Variants in PDE1B observed in about 807,000 individuals in gnomAD.
PDE1B encodes phosphodiesterase 1B, also known as dual specificity calcium/calmodulin-dependent 3',5'-cyclic nucleotide phosphodiesterase 1B.
A neutral mutation model predicts 66.7 loss-of-function variants in PDE1B; 13 were observed. The observed-to-expected ratio is 0.19, with a 90% CI of 0.13 to 0.31. The LOEUF is 0.31. Ranked by LOEUF, PDE1B falls within the 10% of genes least tolerant of loss-of-function variation. The probability of loss-of-function intolerance (pLI) is 1.00; values close to 1 mark genes in which losing one functional copy is unlikely to be tolerated. For missense variants in PDE1B, 485 were observed against 682.3 expected (o/e 0.71, Z 3.22); for synonymous variants, 230 against 253.9 (o/e 0.91, Z 0.90).
Position 54,575,934 on chromosome 12 carries a change from C to A in PDE1B, c.1268-58C>A. ...GTCCTGGCCATGCCAGCTGCATGCT[C>A]TGCCTAGCCCTCCAGATAATAGTAA... is the stretch of plus-strand genomic sequence containing the variant. On this transcript the variant is annotated intron_variant, in intron 12 of 15. Transcript: ENST00000243052. The surrounding 1 kb of genome is among the most constrained non-coding windows in gnomAD (Gnocchi z 4.0). 8.0e-7 allele frequency: 1 copy of A among 1,254,038 alleles called. No homozygotes were observed. The highest frequency in any genetic ancestry group is 1.2e-6 in the Non-Finnish European group (1 of 853,148). 77.7% of individuals were successfully genotyped at this position (1,254,038 alleles called of 1,614,324 possible). A position where few individuals can be genotyped will look rare whatever the true frequency, so the allele number is the denominator to read the frequency against.
chr12:54,554,378 G>T (rs1247270360), intron 2 of PDE1B: 1 of 152,138 alleles, frequency 6.6e-6, no homozygotes, highest in African/African-American at 2.4e-5. Context: ...TCATGCCTTG[G>T]TGGGGACAGT....
chr12:54,554,771 T>G (rs549661762), intron 2 of PDE1B, among the ~76,000 whole-genome samples: 1 of 152,268 alleles, frequency 6.6e-6, no homozygotes, highest in South Asian at 2.1e-4. Flanking sequence ...ATTACAACGG[T>G]GTAATCTTTA....
chr12:54,559,610 C>A (rs1210625406), intron 2 of PDE1B, among the ~76,000 whole-genome samples: 1 of 152,174 alleles, frequency 6.6e-6, no homozygotes, highest in Non-Finnish European at 1.5e-5. Context: ...GCAAAGTATG[C>A]AGCATGCATA....
At chr12:54,555,873 G>A (rs1027365378) in intron 2 of PDE1B, among the ~76,000 whole-genome samples, 7 of 151,900 alleles carry the variant, frequency 4.6e-5, no homozygotes, top group South Asian at 2.1e-4. Context: ...TTACCCTTTC[G>A]CTCTTGCCAT....
At chr12:54,556,024 T>G (rs1263507768) in intron 2 of PDE1B, among the ~76,000 whole-genome samples, 4 of 152,150 alleles carry the variant, frequency 2.6e-5, no homozygotes, top group Non-Finnish European at 5.9e-5. Flanking sequence ...CAGCCCCGAC[T>G]CCTGTCTTCT....
intron 2 of PDE1B, among the ~76,000 whole-genome samples, chr12:54,566,709 T>C (rs1261482460): frequency 1.3e-5 from 2 of 152,082 alleles, no homozygotes; most frequent in Non-Finnish European, 2.9e-5. Flanking sequence ...AAAGAGCGGG[T>C]TTCGAGAAGT....
At position 54,573,055 on chromosome 12, in the gene PDE1B, G is replaced by A; in HGVS notation, c.736-93G>A. 1 of 934,426 alleles carries A rather than the reference G, an allele frequency of 1.1e-6. No homozygotes were observed. The highest frequency in any genetic ancestry group is 1.7e-6 in the Non-Finnish European group (1 of 574,448). 57.9% of individuals were successfully genotyped at this position (934,426 alleles called of 1,614,324 possible). On this transcript the variant is annotated intron_variant, in intron 7 of 15. Coordinates refer to ENST00000243052, the MANE Select transcript of PDE1B (RefSeq NM_000924.4). The surrounding 1 kb of genome is among the most constrained non-coding windows in gnomAD (Gnocchi z 5.2). ...AGAGCTGGCCTGGAAGCATGGAAGG[G>A]ATGGGATGAGTGATCTAGCCTGTGT...
intron 15 of PDE1B, 168 bp downstream of exon 15, chr12:54,577,513 A>G (rs954463343): frequency 9.5e-6 from 15 of 1,580,226 alleles, no homozygotes; most frequent in African/African-American, 1.3e-5. Context: ...GAGCAGGGAA[A>G]TCCTCCCACG....
intron 2 of PDE1B, among the ~76,000 whole-genome samples, chr12:54,553,469 T>C (rs1315969469): frequency 2.0e-5 from 3 of 152,238 alleles, no homozygotes; most frequent in African/African-American, 4.8e-5. Context: ...AAGGTCATTA[T>C]AGATGAGCTG....
At chr12:54,550,036 G>C (rs1471928938) in intron 2 of PDE1B, 51 bp downstream of exon 2, 1 of 1,587,616 alleles carries the variant, frequency 6.3e-7, no homozygotes, top group African/African-American at 1.3e-5. Context: ...GAGCCTGAGC[G>C]GGAGGAGGAG....
intron 2 of PDE1B, among the ~76,000 whole-genome samples, chr12:54,554,045 T>A (rs1235165373): frequency 6.6e-6 from 1 of 152,158 alleles, no homozygotes; most frequent in African/African-American, 2.4e-5. Flanking sequence ...AGTTATGAGA[T>A]GATGTATGTG....
rs1957772898 is a variant in PDE1B at position 54,577,227 on chromosome 12, A to G, written c.1510A>G (p.Ile504Val). Residue 504 changes from isoleucine (I) to valine (V), a missense_variant and splice_region_variant, in exon 15 of 16, where the codon ATC becomes GTC. Ile to Val is a conservative substitution (Grantham distance 29). Transcript: ENST00000243052. ...GCCTCCTTTATGCTCCTCTACAGGCATCACCAACCAGATGTCCATTGACGA... is the reference window on the plus strand; with the variant it reads ...GCCTCCTTTATGCTCCTCTACAGGCGTCACCAACCAGATGTCCATTGACGA... ...QKWKERAASG[I>V]TNQMSIDELS... 1 of 1,613,626 alleles carries G rather than the reference A, an allele frequency of 6.2e-7. No individual in the cohort carries two copies. Among genetic ancestry groups the G allele is most frequent in the Non-Finnish European group, 8.5e-7 (1 of 1,179,670 alleles).
chr12:54,568,983 A>G (rs1957569365), intron 3 of PDE1B: 1 of 830,348 alleles, frequency 1.2e-6, no homozygotes. Flanking sequence ...TGGGATGCTC[A>G]CTACCTCACA....
In PDE1B at chr12:54,569,719, T is replaced by G. The variant is rs1957583713; in HGVS notation, c.477+107T>G. On this transcript the variant is annotated intron_variant, in intron 5 of 15. Coordinates refer to ENST00000243052, the MANE Select transcript of PDE1B (RefSeq NM_000924.4). The surrounding 1 kb of genome is among the most constrained non-coding windows in gnomAD (Gnocchi z 4.4). ...TATTTTTGCCTTCCTTTTTTTTTTT[T>G]GAAATGGAGTCTCGCTCTTGTCACT... 6.7e-6 allele frequency: 5 copies of G among 750,994 alleles called. No homozygotes were observed. The highest frequency in any genetic ancestry group is 1.2e-5 in the Non-Finnish European group (5 of 432,330). 46.5% of individuals were successfully genotyped at this position (750,994 alleles called of 1,614,324 possible). A position where few individuals can be genotyped will look rare whatever the true frequency, so the allele number is the denominator to read the frequency against.
intron 13 of PDE1B, 96 bp downstream of exon 13, chr12:54,576,196 G>T (rs915805417): frequency 3.8e-6 from 3 of 797,942 alleles, no homozygotes; most frequent in South Asian, 1.4e-5. Flanking sequence ...CAGCCATGGT[G>T]GGGTGGTGGG....
chr12:54,573,912 T>TGTGTCC lies in PDE1B; in HGVS notation c.1064+203_1064+204insGTGTCC, dbSNP rs1957673786. ...GTGTGTGTGTGTGTGTGTGTGTGTG[T>TGTGTCC]CCTTACGTTTACTCACAGCCTTGGC... On this transcript the variant is annotated intron_variant, in intron 10 of 15. Transcript: ENST00000243052. This position sits in a 1 kb window ranked among gnomAD's most constrained non-coding sequence, Gnocchi z 5.2. The TGTGTCC allele has an allele frequency of 1.9e-6, 1 of 536,138 alleles. No homozygotes were observed. The highest frequency in any genetic ancestry group is 3.3e-6 in the Non-Finnish European group (1 of 299,542). 33.2% of individuals were successfully genotyped at this position (536,138 alleles called of 1,614,324 possible). A position where few individuals can be genotyped will look rare whatever the true frequency, so the allele number is the denominator to read the frequency against.
Position 54,575,888 on chromosome 12 carries a change from C to A in PDE1B, c.1268-104C>A. The A allele has an allele frequency of 1.1e-6, 1 of 898,456 alleles. No homozygotes were observed. Among genetic ancestry groups the A allele is most frequent in the Non-Finnish European group, 1.9e-6 (1 of 539,924 alleles). The allele number at this position is 898,456 out of a possible 1,614,324, so 55.7% of individuals were successfully genotyped here. On this transcript the variant is annotated intron_variant, in intron 12 of 15. Transcript: ENST00000243052. This position sits in a 1 kb window ranked among gnomAD's most constrained non-coding sequence, Gnocchi z 4.0. ...TTCAGCCCCAGGTTACCTCTCCATC[C>A]TCTTTCATAAGCAGCCAGGGGTCCT...
chr12:54,571,591 GTGC>G (rs1957617170), intron 6 of PDE1B: 1 of 152,188 alleles, frequency 6.6e-6, no homozygotes, highest in Non-Finnish European at 1.5e-5. Flanking sequence ...GAAGGAGGGG[GTGC>G]TTCTTGTTTT....
intron 10 of PDE1B, chr12:54,574,128 G>T: frequency 4.9e-6 from 1 of 206,106 alleles, no homozygotes. Flanking sequence ...TAGTCTCATA[G>T]GGCTATTGGG....
Sources: gnomAD v4.1 joint callset for allele counts (sites outside exome capture counted in the v4.1 genomes callset) on GRCh38, gnomAD v4.1.1 for gene constraint, Gnocchi (gnomAD v3.1) non-coding constraint, MANE v1.5 for transcripts, NCBI Gene and HGNC (gene_info 2026-07-23, HGNC 2026-07-21) for gene names.